Variants in NRP1 observed in about 807,000 individuals in gnomAD.
NRP1 encodes the protein neuropilin 1.
Under a neutral mutation model 106.7 loss-of-function variants are expected in NRP1, and 35 were observed. The ratio of observed to expected loss-of-function variants is 0.33; its 90% CI spans 0.25 to 0.43. The LOEUF (loss-of-function observed/expected upper bound fraction) is 0.43. Ranked by LOEUF, NRP1 falls within the 20% of genes least tolerant of loss-of-function variation. The pLI, the probability that NRP1 is intolerant of heterozygous loss-of-function variation, is 1.00. For missense variants in NRP1, 1,024 were observed against 1,170.4 expected (o/e 0.87, Z 1.83); for synonymous variants, 437 against 417.9 (o/e 1.05, Z -0.56).
chr10:33,285,347 C>T (rs1484414682), intron 2 of NRP1, among the ~76,000 whole-genome samples: 1 of 152,018 alleles, frequency 6.6e-6, no homozygotes, highest in African/African-American at 2.4e-5. Context: ...AAACTGGAGC[C>T]CAGAACACTC....
chr10:33,199,631 T>G (rs1837119112), intron 11 of NRP1, among the ~76,000 whole-genome samples: 2 of 151,718 alleles, frequency 1.3e-5, no homozygotes, highest in South Asian at 2.1e-4. Context: ...CGTAGGTGGT[T>G]GAGAAAGCTG....
In NRP1 at chr10:33,263,485, A is replaced by G. The variant is rs61760412; in HGVS notation, c.658+161T>C. Among the ~76,000 whole-genome samples the G allele has an allele frequency of 3.7e-3, 557 of 152,340 alleles. 2 individuals are homozygous for G. Among genetic ancestry groups the G allele is most frequent in the African/African-American group, 0.011 (454 of 41,582 alleles). On this transcript the variant is annotated intron_variant, in intron 4 of 16. Coordinates refer to ENST00000374867, the MANE Select transcript of NRP1 (RefSeq NM_003873.7). ...TAATTACTAAGGTCTTCTTGAGCTCAAATATTTCATCACTGCTCTGAATAT... is the reference window on the plus strand; with the variant it reads ...TAATTACTAAGGTCTTCTTGAGCTCGAATATTTCATCACTGCTCTGAATAT...
chr10:33,251,661 A>T lies in NRP1; in HGVS notation c.981+2367T>A, dbSNP rs1200636987. Among the ~76,000 whole-genome samples, 3 of 152,222 alleles carry T rather than the reference A, an allele frequency of 2.0e-5. No homozygotes were observed. The East Asian group carries it at 5.8e-4, about 29-fold the overall frequency. On this transcript the variant is annotated intron_variant, in intron 6 of 16. Transcript: ENST00000374867. ...AGATTGTGTCTAACTCCAAAGAATG[A>T]TGTAAATCTGTTCTGTTCACAAATG...
intron 6 of NRP1, among the ~76,000 whole-genome samples, chr10:33,253,771 C>T (rs1339783171): frequency 6.6e-6 from 1 of 152,182 alleles, no homozygotes; most frequent in East Asian, 1.9e-4. Context: ...ATATAAGTAT[C>T]TGAGAAGATA....
chr10:33,315,062 T>A (rs931727647), intron 2 of NRP1, among the ~76,000 whole-genome samples: 1 of 152,136 alleles, frequency 6.6e-6, no homozygotes, highest in Non-Finnish European at 1.5e-5. Flanking sequence ...TCCCAAGAGT[T>A]GTGGGGATGT....
At chr10:33,204,781 G>A (rs1394896662) in intron 10 of NRP1, among the ~76,000 whole-genome samples, 1 of 151,882 alleles carries the variant, frequency 6.6e-6, no homozygotes, top group African/African-American at 2.4e-5. Flanking sequence ...ACCCAGGCTG[G>A]AGTACAATGG....
At chr10:33,301,471 G>C (rs1845795244) in intron 2 of NRP1, among the ~76,000 whole-genome samples, 1 of 152,132 alleles carries the variant, frequency 6.6e-6, no homozygotes, top group African/African-American at 2.4e-5. Context: ...AATTCTGTAG[G>C]AACACATTTT....
At chr10:33,254,534 A>G (rs1486230857) in intron 5 of NRP1, among the ~76,000 whole-genome samples, 1 of 152,228 alleles carries the variant, frequency 6.6e-6, no homozygotes, top group East Asian at 1.9e-4. Context: ...ATATGGGTAC[A>G]CACAAAAAGT....
intron 6 of NRP1, among the ~76,000 whole-genome samples, chr10:33,232,766 C>G (rs769756696): frequency 1.9e-4 from 29 of 149,244 alleles, no homozygotes; most frequent in Non-Finnish European, 2.8e-4. Context: ...CCTCAGCCTT[C>G]AGAGTAGTTG....
At chr10:33,196,504 G>A (rs922062510) in intron 12 of NRP1, among the ~76,000 whole-genome samples, 2 of 152,102 alleles carry the variant, frequency 1.3e-5, no homozygotes, top group African/African-American at 4.8e-5. Flanking sequence ...AGGTGCCTGC[G>A]CAGTCTTTGA....
At chr10:33,198,144 A>ATT (rs71521487) in intron 11 of NRP1, among the ~76,000 whole-genome samples, 3,483 of 94,050 alleles carry the variant, frequency 0.037, 163 homozygotes, top group African/African-American at 0.1. Flanking sequence ...AAATTTTTAA[A>ATT]TTTTTTTTTT....
chr10:33,200,290 G>A (rs934083837), intron 11 of NRP1, among the ~76,000 whole-genome samples: 4 of 152,184 alleles, frequency 2.6e-5, no homozygotes, highest in African/African-American at 9.7e-5. Flanking sequence ...TGGTGCCTTT[G>A]AGGCCAAGTG....
chr10:33,274,409 G>A (rs1843535239), intron 2 of NRP1, among the ~76,000 whole-genome samples: 1 of 152,150 alleles, frequency 6.6e-6, no homozygotes, highest in African/African-American at 2.4e-5. Context: ...ATTCTTAAGA[G>A]CATTACCTAG....
intron 2 of NRP1, among the ~76,000 whole-genome samples, chr10:33,300,521 T>C (rs982940982): frequency 5.9e-5 from 9 of 152,054 alleles, no homozygotes; most frequent in Non-Finnish European, 1.2e-4. Context: ...GGTTCCTGAG[T>C]GTGTGCACAT....
chr10:33,263,582 A>G, intron 4 of NRP1, 64 bp downstream of exon 4: 1 of 1,247,628 alleles, frequency 8.0e-7, no homozygotes, highest in Non-Finnish European at 1.2e-6. Flanking sequence ...TGAGACTTGT[A>G]AAAGAATACT....
chr10:33,203,529 G>A (rs28398335), intron 10 of NRP1, among the ~76,000 whole-genome samples: 38,594 of 151,848 alleles, frequency 0.25, 5,554 homozygotes, highest in East Asian at 0.6. Context: ...TAAAAAAACA[G>A]TGATTCCATT....
intron 10 of NRP1, among the ~76,000 whole-genome samples, chr10:33,204,534 T>TA (rs757713654): frequency 2.0e-5 from 3 of 152,218 alleles, no homozygotes; most frequent in Non-Finnish European, 4.4e-5. Flanking sequence ...GTGCTACCTT[T>TA]AAGTATTTAA....
intron 6 of NRP1, among the ~76,000 whole-genome samples, chr10:33,248,421 T>C (rs1841588339): frequency 6.6e-6 from 1 of 152,224 alleles, no homozygotes; most frequent in Admixed American, 6.5e-5. Context: ...CAGTTTCTCA[T>C]GTTGAACTTA....
intron 2 of NRP1, among the ~76,000 whole-genome samples, chr10:33,297,978 G>C (rs562894635): frequency 6.6e-6 from 1 of 152,102 alleles, no homozygotes; most frequent in African/African-American, 2.4e-5. Context: ...TTTTCCTGTT[G>C]ATACTATACT....
Sources: allele counts gnomAD v4.1 joint callset (sites outside exome capture counted in the v4.1 genomes callset), GRCh38; gene constraint gnomAD v4.1.1; transcripts MANE v1.5; gene names NCBI Gene and HGNC (gene_info 2026-07-23, HGNC 2026-07-21).